Variants in TRPC5 observed in about 807,000 individuals in gnomAD.
The protein encoded by TRPC5 is short transient receptor potential channel 5.
TRPC5 carries 9 observed loss-of-function variants against 56.5 expected under a neutral mutation model. The ratio of observed to expected loss-of-function variants is 0.16; its 90% CI spans 0.10 to 0.28. TRPC5 has a LOEUF of 0.28. Ranked by LOEUF, TRPC5 falls within the 10% of genes least tolerant of loss-of-function variation. TRPC5 has a pLI of 1.00. For missense variants in TRPC5, 469 were observed against 748.9 expected (o/e 0.63, Z 4.36); for synonymous variants, 282 against 278.5 (o/e 1.01, Z -0.13).
intron 1 of TRPC5, among the ~76,000 whole-genome samples, chrX:112,044,610 T>C (rs779758770): frequency 1.3e-3 from 146 of 112,261 alleles, no homozygotes; most frequent in Non-Finnish European, 2.3e-3. Context: ...AGGTGAAACA[T>C]TATGCTGTCA....
chrX:111,918,256 A>C (rs781002638), intron 2 of TRPC5, among the ~76,000 whole-genome samples: 1 of 111,758 alleles, frequency 8.9e-6, no homozygotes, highest in East Asian at 2.8e-4. Flanking sequence ...GTTATTGAAG[A>C]GGGCTGGAAG....
At chrX:111,884,322 T>A (rs1924369271) in intron 3 of TRPC5, among the ~76,000 whole-genome samples, 1 of 112,371 alleles carries the variant, frequency 8.9e-6, no homozygotes, top group Admixed American at 9.4e-5. Flanking sequence ...TAAATCTACT[T>A]AAGTATTTAA....
At chrX:111,912,932 T>C (rs957896421) in intron 2 of TRPC5, 120 bp from the exon 3 acceptor site, 73 of 801,064 alleles carry the variant, frequency 9.1e-5, no homozygotes, top group Non-Finnish European at 1.2e-4. Context: ...TCAATTCTTT[T>C]GACCTCCTAA....
intron 3 of TRPC5, among the ~76,000 whole-genome samples, chrX:111,856,600 G>T (rs1923240552): frequency 9.4e-6 from 1 of 106,499 alleles, no homozygotes; most frequent in Non-Finnish European, 1.9e-5. Flanking sequence ...CAGATCACTT[G>T]AGGTCAGGAG....
intron 1 of TRPC5, among the ~76,000 whole-genome samples, chrX:112,013,024 G>A (rs772893183): frequency 2.7e-5 from 3 of 112,127 alleles, no homozygotes; most frequent in African/African-American, 9.7e-5. Context: ...AATTGATCCT[G>A]TATATAAAAT....
intron 1 of TRPC5, among the ~76,000 whole-genome samples, chrX:112,046,394 G>C (rs189396221): frequency 2.7e-5 from 3 of 110,186 alleles, no homozygotes; most frequent in Non-Finnish European, 5.7e-5. Context: ...AGTTTTCTTG[G>C]GAAAAGAAGT....
chrX:111,816,445 G>C (rs1921861059), intron 7 of TRPC5, among the ~76,000 whole-genome samples: 1 of 112,071 alleles, frequency 8.9e-6, no homozygotes, highest in African/African-American at 3.2e-5. Context: ...AAGCAAATTG[G>C]TGAGAGCACA....
At chrX:111,905,428 T>A (rs1038177446) in intron 3 of TRPC5, among the ~76,000 whole-genome samples, 11 of 112,119 alleles carry the variant, frequency 9.8e-5, no homozygotes, top group African/African-American at 3.6e-4. Context: ...GTTCCTGAAG[T>A]TAGTTATTTG....
At chrX:111,974,593 T>C (rs2148649885) in intron 1 of TRPC5, among the ~76,000 whole-genome samples, 1 of 111,558 alleles carries the variant, frequency 9.0e-6, no homozygotes, top group East Asian at 2.8e-4. Flanking sequence ...TAATCCACTC[T>C]CCTGCTTGAT....
chrX:111,810,165 G>A (rs1046328713), intron 7 of TRPC5, among the ~76,000 whole-genome samples: 1 of 110,911 alleles, frequency 9.0e-6, no homozygotes, highest in African/African-American at 3.3e-5. Context: ...CGCCCGCCTC[G>A]ACCTCCCAAA....
intron 3 of TRPC5, among the ~76,000 whole-genome samples, chrX:111,893,686 A>G (rs1302550895): frequency 9.0e-6 from 1 of 111,541 alleles, no homozygotes; most frequent in Non-Finnish European, 1.9e-5. Flanking sequence ...ATATATTTTC[A>G]AGAAGGGGCC....
intron 6 of TRPC5, among the ~76,000 whole-genome samples, chrX:111,844,460 CTTTT>C (rs746423281): frequency 2.1e-5 from 2 of 95,392 alleles, no homozygotes. Flanking sequence ...TTCTTTCTTT[CTTTT>C]TTTTTTTTTT....
At chrX:111,920,979 T>C (rs114296571) in intron 2 of TRPC5, among the ~76,000 whole-genome samples, 1,271 of 112,335 alleles carry the variant, frequency 0.011, 16 homozygotes, top group African/African-American at 0.038. Context: ...CCTTTGATTC[T>C]CTTTGACTTA....
intron 3 of TRPC5, among the ~76,000 whole-genome samples, chrX:111,880,067 A>T (rs1442538690): frequency 1.8e-5 from 2 of 110,527 alleles, no homozygotes; most frequent in African/African-American, 3.3e-5. Flanking sequence ...TAAAATGAAG[A>T]TTATATTCAT....
intron 3 of TRPC5, among the ~76,000 whole-genome samples, chrX:111,864,212 TCTC>T (rs1041481062): frequency 5.4e-5 from 6 of 110,953 alleles, no homozygotes; most frequent in Admixed American, 9.6e-5. Flanking sequence ...ATGGTCTCGA[TCTC>T]CTGACCTCCT....
intron 3 of TRPC5, among the ~76,000 whole-genome samples, chrX:111,864,963 A>G (rs1388877068): frequency 9.0e-6 from 1 of 111,190 alleles, no homozygotes; most frequent in Admixed American, 9.6e-5. Flanking sequence ...TCCCTTCCTC[A>G]GGGGCTTAAA....
At position 111,905,758 on chromosome X, in the gene TRPC5, CA is replaced by C. The variant is rs775283211; in HGVS notation, c.900+6532del. 3.9e-4 allele frequency among the ~76,000 whole-genome samples: 42 copies of C among 108,648 alleles called. No individual in the cohort carries two copies. The South Asian group carries it at 5.2e-3, about 14-fold the overall frequency. 94.3% of individuals were successfully genotyped at this position (108,648 alleles called of 115,157 possible). On this transcript the variant is annotated intron_variant, in intron 3 of 10. Coordinates refer to ENST00000262839, the MANE Select transcript of TRPC5 (RefSeq NM_012471.3). ...TGAAACCCCGTCTCTACTAAAAATACAAAAAAATTAGCTGGGCGTGGTGGCG... is the reference window on the plus strand; with the variant it reads ...TGAAACCCCGTCTCTACTAAAAATACAAAAAATTAGCTGGGCGTGGTGGCG...
In TRPC5 at chrX:112,082,251, G is replaced by A; in HGVS notation, c.-394C>T. Reference sequence around the variant, plus strand: ...TAACCCAACCTGAGCCCCTTCAAGCGCACCCACTCCCTTCACGCAGCCAGT... The same window carrying A: ...TAACCCAACCTGAGCCCCTTCAAGCACACCCACTCCCTTCACGCAGCCAGT... On this transcript the variant is annotated 5_prime_UTR_variant, in exon 1 of 11. Transcript: ENST00000262839. 1 of 113,628 alleles carries A rather than the reference G, an allele frequency of 8.8e-6. No homozygotes were observed. Among genetic ancestry groups the A allele is most frequent in the Non-Finnish European group, 1.9e-5 (1 of 53,669 alleles). 9.4% of individuals were successfully genotyped at this position (113,628 alleles called of 1,213,427 possible).
chrX:111,769,418 A>G lies in TRPC5; in HGVS notation c.*6895T>C, dbSNP rs1164668329. On this transcript the variant is annotated 3_prime_UTR_variant, in exon 11 of 11. Coordinates refer to ENST00000262839, the MANE Select transcript of TRPC5 (RefSeq NM_012471.3). ...TTTAAAGTGTTCTCTTCAGGAGGCT[A>G]TGTGCTTATTCATGTAAGGCTACCA... Among the ~76,000 whole-genome samples, 3 of 111,688 alleles carry G rather than the reference A, an allele frequency of 2.7e-5. No individual in the cohort carries two copies. The highest frequency in any genetic ancestry group is 6.5e-5 in the African/African-American group (2 of 30,750).
Sources: gnomAD v4.1 joint callset for allele counts (sites outside exome capture counted in the v4.1 genomes callset) on GRCh38, gnomAD v4.1.1 for gene constraint, MANE v1.5 for transcripts, NCBI Gene and HGNC (gene_info 2026-07-23, HGNC 2026-07-21) for gene names.